Variants in SOX5 observed in about 807,000 individuals in gnomAD.
SOX5 encodes SRY-box transcription factor 5.
In SOX5, 9 loss-of-function variants were observed where a neutral mutation model predicts 92.0. That is an observed-to-expected ratio of 0.10 (90% CI 0.06 to 0.17). SOX5 has a LOEUF of 0.17. Ranked by LOEUF, SOX5 falls within the 10% of genes least tolerant of loss-of-function variation. The pLI is 1.00. For missense variants in SOX5, 642 were observed against 944.5 expected, an observed-to-expected ratio of 0.68 and a Z score of 4.20; for synonymous variants, 344 against 336.3, an observed-to-expected ratio of 1.02 and a Z score of -0.25.
In SOX5 at chr12:23,563,523, T is replaced by C. The variant is rs962462736; in HGVS notation, c.1343-120A>G. 1.5e-5 allele frequency: 11 copies of C among 755,808 alleles called. No individual in the cohort carries two copies. In the Admixed American group the frequency reaches 3.1e-4, roughly 21 times the overall value. The allele number at this position is 755,808 out of a possible 1,614,324, so 46.8% of individuals were successfully genotyped here. ...TGTCTGGCCTATAATGATTTCTCCA[T>C]GGAATTTATCTAAAATGAATGAATG... is the stretch of plus-strand genomic sequence containing the variant. On this transcript the variant is annotated intron_variant, in intron 10 of 14. Coordinates refer to ENST00000451604, the MANE Select transcript of SOX5 (RefSeq NM_006940.6).
intron 9 of SOX5, among the ~76,000 whole-genome samples, chr12:23,599,625 C>G (rs1055056079): frequency 2.6e-5 from 4 of 152,156 alleles, no homozygotes; most frequent in Non-Finnish European, 5.9e-5. Context: ...ACAAGTTGCT[C>G]TTAGGATTTT....
chr12:24,065,659 A>AG (rs1340542021), intron 4 of SOX5, among the ~76,000 whole-genome samples: 4 of 115,984 alleles, frequency 3.4e-5, no homozygotes, highest in African/African-American at 1.0e-4. Flanking sequence ...AAAAAAAAAA[A>AG]AAAAAAAGAA....
rs1390157105 is a variant in SOX5, at chr12:23,838,050, A to G, written c.481+7933T>C. 4.6e-4 allele frequency among the ~76,000 whole-genome samples: 41 copies of G among 88,624 alleles called. No homozygotes were observed. In the East Asian group the frequency reaches 4.9e-3, roughly 11 times the overall value. 58.1% of individuals were successfully genotyped at this position (88,624 alleles called of 152,430 possible). A position where few individuals can be genotyped will look rare whatever the true frequency, so the allele number is the denominator to read the frequency against. Reference sequence around the variant, plus strand: ...ACATTTATATATTTTTATATAATATATATTTATACTTATATATATTATATT... The same window carrying G: ...ACATTTATATATTTTTATATAATATGTATTTATACTTATATATATTATATT... On this transcript the variant is annotated intron_variant, in intron 3 of 14. Coordinates refer to ENST00000451604, the MANE Select transcript of SOX5 (RefSeq NM_006940.6).
At chr12:23,894,471 C>T (rs999233721) in intron 2 of SOX5, among the ~76,000 whole-genome samples, 18 of 152,146 alleles carry the variant, frequency 1.2e-4, no homozygotes, top group African/African-American at 4.3e-4. Flanking sequence ...AAGTGATCTA[C>T]TCACCTTGGC....
chr12:23,802,005 G>T (rs1365173575), intron 3 of SOX5, among the ~76,000 whole-genome samples: 1 of 152,032 alleles, frequency 6.6e-6, no homozygotes, highest in African/African-American at 2.4e-5. Flanking sequence ...TACAATTATA[G>T]AATAAAATTA....
At chr12:24,015,591 T>G (rs950611581) in intron 4 of SOX5, among the ~76,000 whole-genome samples, 1 of 152,144 alleles carries the variant, frequency 6.6e-6, no homozygotes, top group Non-Finnish European at 1.5e-5. Flanking sequence ...ATGATCTCCA[T>G]TGCGCTAATA....
intron 2 of SOX5, among the ~76,000 whole-genome samples, chr12:24,307,385 G>A (rs974634577): frequency 6.6e-6 from 1 of 151,534 alleles, no homozygotes. Context: ...TCAATAAATG[G>A]GCCAAATGGA....
chr12:23,586,631 A>G, intron 9 of SOX5, among the ~76,000 whole-genome samples: 1 of 145,742 alleles, frequency 6.9e-6, no homozygotes, highest in South Asian at 2.2e-4. Context: ...TATTCTGTGA[A>G]TCCTTAGACC....
chr12:23,862,617 T>C (rs187623544), intron 2 of SOX5, among the ~76,000 whole-genome samples: 88 of 152,328 alleles, frequency 5.8e-4, no homozygotes, highest in African/African-American at 2.0e-3. Context: ...AGGTGCCATA[T>C]ATGACTTTAT....
chr12:24,381,946 CCATA>C (rs1370175971), intron 1 of SOX5, among the ~76,000 whole-genome samples: 1 of 152,164 alleles, frequency 6.6e-6, no homozygotes, highest in African/African-American at 2.4e-5. Flanking sequence ...ACTTCTCTGA[CCATA>C]AATACAGAAC....
intron 1 of SOX5, among the ~76,000 whole-genome samples, chr12:24,527,106 TTTG>T (rs1469020549): frequency 2.0e-5 from 3 of 152,192 alleles, no homozygotes; most frequent in Admixed American, 1.3e-4. Context: ...TTCTTTATTG[TTTG>T]TTTTCTATCA....
At chr12:24,020,865 C>T (rs1433502276) in intron 4 of SOX5, among the ~76,000 whole-genome samples, 8 of 152,184 alleles carry the variant, frequency 5.3e-5, no homozygotes, top group Non-Finnish European at 1.2e-4. Flanking sequence ...AATCGCTTCT[C>T]TTCTTTCCCC....
chr12:24,238,788 G>A (rs1965019106), intron 3 of SOX5, among the ~76,000 whole-genome samples: 1 of 152,120 alleles, frequency 6.6e-6, no homozygotes, highest in Non-Finnish European at 1.5e-5. Context: ...AATGCACCTT[G>A]CTTTCAACAC....
intron 4 of SOX5, among the ~76,000 whole-genome samples, chr12:23,991,332 C>T (rs1180210857): frequency 1.4e-5 from 2 of 147,728 alleles, no homozygotes; most frequent in African/African-American, 2.6e-5. Context: ...AAAAAAAAAA[C>T]AACAACAACA....
chr12:24,311,249 A>G (rs569602742), intron 2 of SOX5, among the ~76,000 whole-genome samples: 8 of 152,168 alleles, frequency 5.3e-5, no homozygotes, highest in Non-Finnish European at 1.2e-4. Context: ...CTATTGTCCA[A>G]TCATGTTTTT....
chr12:23,809,971 T>C (rs1567955912), intron 3 of SOX5, among the ~76,000 whole-genome samples: 1 of 152,226 alleles, frequency 6.6e-6, no homozygotes, highest in East Asian at 1.9e-4. Flanking sequence ...AGACAAATAT[T>C]TCAAACGAAA....
chr12:23,822,824 A>G (rs1263015958), intron 3 of SOX5, among the ~76,000 whole-genome samples: 1 of 152,210 alleles, frequency 6.6e-6, no homozygotes, highest in African/African-American at 2.4e-5. Flanking sequence ...GGGTGCACAT[A>G]CATTTAGAAT....
At chr12:23,991,043 T>C (rs1026948424) in intron 4 of SOX5, among the ~76,000 whole-genome samples, 5 of 138,748 alleles carry the variant, frequency 3.6e-5, no homozygotes, top group African/African-American at 1.3e-4. Flanking sequence ...TTCGTAATAC[T>C]GAAAAAAAAA....
chr12:23,851,123 T>C (rs1426624684), intron 2 of SOX5, among the ~76,000 whole-genome samples: 2 of 152,072 alleles, frequency 1.3e-5, no homozygotes, highest in Admixed American at 6.6e-5. Flanking sequence ...TTACCCCTTA[T>C]CAAGATAAAA....
Sources: gnomAD v4.1 joint callset for allele counts (sites outside exome capture counted in the v4.1 genomes callset) on GRCh38, gnomAD v4.1.1 for gene constraint, MANE v1.5 for transcripts, NCBI Gene and HGNC (gene_info 2026-07-23, HGNC 2026-07-21) for gene names.